Variants in NPRL3 observed in about 807,000 individuals in gnomAD.
The protein encoded by NPRL3 is NPR3 like, GATOR1 complex subunit, also known as GATOR1 complex protein NPRL3.
In NPRL3, 23 loss-of-function variants were observed where a neutral mutation model predicts 57.2. The ratio of observed to expected loss-of-function variants is 0.40; its 90% CI spans 0.29 to 0.57. NPRL3 has a LOEUF of 0.57. Among genes scored for constraint, NPRL3 ranks in the 20% least tolerant of loss-of-function variants. The pLI, the probability that NPRL3 is intolerant of heterozygous loss-of-function variation, is 0.42. For synonymous variants in NPRL3, 333 were observed against 321.1 expected (o/e 1.04, Z -0.39); for missense variants, 691 against 767.1 (o/e 0.90, Z 1.17).
rs747774969 is a variant in NPRL3, at chr16:89,761, C to T, written c.1303G>A (p.Gly435Ser). Reference sequence around the variant, plus strand: ...TTGGGCGTGCTGAGGCTGCGACCGCCGACCCGGGCAGTGAAGGGGACGTCG... The same window carrying T: ...TTGGGCGTGCTGAGGCTGCGACCGCTGACCCGGGCAGTGAAGGGGACGTCG... ...EDDVPFTARV[G>S]GRSLSTPNAL... Residue 435 changes from glycine to serine, a missense_variant, in exon 12 of 14, where the codon GGC becomes AGC. Gly to Ser is a moderately conservative substitution (Grantham distance 56). Transcript: ENST00000611875. 5 of 1,596,480 alleles carry T rather than the reference C, an allele frequency of 3.1e-6. No homozygotes were observed. Among genetic ancestry groups the T allele is most frequent in the East Asian group, 2.3e-5 (1 of 43,700 alleles).
At chr16:88,591 C>G (rs781547917) in intron 13 of NPRL3, 107 bp downstream of exon 13, 74 of 994,952 alleles carry the variant, frequency 7.4e-5, no homozygotes, top group Non-Finnish European at 1.1e-4. Flanking sequence ...CGAACAGGGC[C>G]CCATCTGTTC....
At chr16:112,411 G>A (rs531102751) in intron 6 of NPRL3, among the ~76,000 whole-genome samples, 6 of 152,324 alleles carry the variant, frequency 3.9e-5, no homozygotes, top group African/African-American at 1.2e-4. Context: ...ACTGCCTAGC[G>A]AAGCTGTTGT....
chr16:108,106 C>T (rs897902226), intron 7 of NPRL3, among the ~76,000 whole-genome samples: 1 of 152,196 alleles, frequency 6.6e-6, no homozygotes, highest in Non-Finnish European at 1.5e-5. Context: ...TGTTCTCTCA[C>T]ACCTGGGGAG....
rs558200249 is a variant in NPRL3 at position 86,867 on chromosome 16, G to C, written c.1548C>G (p.Leu516=). The change falls in exon 14 of 14, where the codon CTC becomes CTG. Residue 516 remains leucine (L), a synonymous_variant. Transcript: ENST00000611875. The part of the protein sequence containing the change: ...NPEDLRMFAR[L]LHYFRGRHHL... ...GGTGGCGGCCGCGGAAGTAGTGAAGGAGCCTGGAAGGGATGGGTGGGTGTG... is the reference window on the plus strand; with the variant it reads ...GGTGGCGGCCGCGGAAGTAGTGAAGCAGCCTGGAAGGGATGGGTGGGTGTG... The C allele has an allele frequency of 3.1e-6, 5 of 1,612,542 alleles. No homozygotes were observed. Among genetic ancestry groups the C allele is most frequent in the Non-Finnish European group, 3.4e-6 (4 of 1,179,334 alleles).
At chr16:134,533 C>A (rs529469119) in intron 2 of NPRL3, among the ~76,000 whole-genome samples, 13 of 152,126 alleles carry the variant, frequency 8.5e-5, no homozygotes, top group African/African-American at 2.9e-4. Context: ...AGATTCAAAG[C>A]TACCTACACC....
intron 3 of NPRL3, chr16:127,260 T>C (rs1900563734): frequency 8.2e-6 from 1 of 122,230 alleles, no homozygotes; most frequent in Non-Finnish European, 1.7e-5. Context: ...TTTTTTTTTT[T>C]GAGACAGGGT....
In NPRL3 at chr16:88,679, C is replaced by CGTT. The variant is rs1898610041; in HGVS notation, c.1544+18_1544+19insAAC. The CGTT allele has an allele frequency of 6.3e-7, 1 of 1,593,984 alleles. No homozygotes were observed. The highest frequency in any genetic ancestry group is 8.6e-7 in the Non-Finnish European group (1 of 1,165,380). ...ACCCTGCAACTGGCCCCAGTCCCAA[C>CGTT]GGGTCAACCTACACCCACCTGGCAA... On this transcript the variant is annotated intron_variant, in intron 13 of 13. Transcript: ENST00000611875.
At chr16:124,555 A>G (rs1900431504) in intron 3 of NPRL3, among the ~76,000 whole-genome samples, 1 of 152,108 alleles carries the variant, frequency 6.6e-6, no homozygotes, top group Non-Finnish European at 1.5e-5. Context: ...GAAATCGCCT[A>G]CCGAGGATCA....
At chr16:87,183 G>T (rs896410937) in intron 13 of NPRL3, among the ~76,000 whole-genome samples, 1 of 152,120 alleles carries the variant, frequency 6.6e-6, no homozygotes, top group Non-Finnish European at 1.5e-5. Flanking sequence ...CTTCTTTTTC[G>T]TGCTACAGTG....
At chr16:104,224 C>T (rs924894176) in intron 7 of NPRL3, among the ~76,000 whole-genome samples, 2 of 151,954 alleles carry the variant, frequency 1.3e-5, no homozygotes, top group African/African-American at 2.4e-5. Context: ...ACCCAGGAGG[C>T]GGAGGTTGCA....
intron 13 of NPRL3, among the ~76,000 whole-genome samples, chr16:87,864 C>A (rs1392782095): frequency 2.5e-5 from 3 of 117,948 alleles, no homozygotes; most frequent in African/African-American, 8.4e-5. Context: ...GCCACCGCGC[C>A]TGACTTTTTT....
chr16:97,374 A>C (rs573287508), intron 9 of NPRL3, among the ~76,000 whole-genome samples: 4 of 148,642 alleles, frequency 2.7e-5, no homozygotes, highest in Admixed American at 6.7e-5. Context: ...ACCCCCAAGT[A>C]GCTGGGACTA....
intron 7 of NPRL3, among the ~76,000 whole-genome samples, chr16:107,447 C>T (rs1459023168): frequency 1.3e-5 from 2 of 152,102 alleles, no homozygotes; most frequent in Admixed American, 1.3e-4. Flanking sequence ...AGTTCGAGAC[C>T]AGCCTGGCCA....
chr16:92,412 A>C (rs1218323395), intron 11 of NPRL3, among the ~76,000 whole-genome samples, 184 bp downstream of exon 11: 1 of 152,208 alleles, frequency 6.6e-6, no homozygotes, highest in East Asian at 1.9e-4. Context: ...AAGCATCTGC[A>C]GGTGGCCCGG....
intron 4 of NPRL3, among the ~76,000 whole-genome samples, chr16:117,805 G>A (rs535645698): frequency 6.6e-6 from 1 of 152,350 alleles, no homozygotes; most frequent in South Asian, 2.1e-4. Context: ...AGGTGAGGCA[G>A]GCCAGCAAGT....
At chr16:115,490 CTT>C (rs11441743) in intron 5 of NPRL3, among the ~76,000 whole-genome samples, 2 of 145,004 alleles carry the variant, frequency 1.4e-5, no homozygotes. Flanking sequence ...TTTCCTGTTG[CTT>C]TTTTTTTTTT....
chr16:86,944 G>A, intron 13 of NPRL3, 74 bp from the exon 14 acceptor site: 1 of 1,459,096 alleles, frequency 6.9e-7, no homozygotes, highest in Admixed American at 1.9e-5. Context: ...GCCACTGCTG[G>A]GAATCAGCTC....
chr16:95,350 T>TACACACACACACACACACAC (rs142854412), intron 9 of NPRL3, among the ~76,000 whole-genome samples: 3 of 110,990 alleles, frequency 2.7e-5, no homozygotes, highest in African/African-American at 1.1e-4. Context: ...TATATATATA[T>TACACACACACACACACACAC]ACACACACAC....
rs116210480 is a variant in NPRL3, at chr16:85,987, G to A, written c.*718C>T. The A allele has an allele frequency of 7.4e-4, 401 of 543,558 alleles. 3 individuals are homozygous for A. Among genetic ancestry groups the A allele is most frequent in the African/African-American group, 7.1e-3 (364 of 51,486 alleles). 33.7% of individuals were successfully genotyped at this position (543,558 alleles called of 1,614,324 possible). The stretch of plus-strand genomic sequence containing the variant: ...GGGGAGAATCATCAGTGTGGGAGCC[G>A]AAAGCCCCCGAGGGTGGGGTCCTGC... On this transcript the variant is annotated 3_prime_UTR_variant, in exon 14 of 14. Transcript: ENST00000611875.
Sources: gnomAD v4.1 joint callset for allele counts (sites outside exome capture counted in the v4.1 genomes callset) on GRCh38, gnomAD v4.1.1 for gene constraint, MANE v1.5 for transcripts, NCBI Gene and HGNC (gene_info 2026-07-23, HGNC 2026-07-21) for gene names.